Variants in SYT16 observed in about 807,000 individuals in gnomAD.
The protein encoded by SYT16 is synaptotagmin-16.
Under a neutral mutation model 61.4 loss-of-function variants are expected in SYT16, and 42 were observed. That is an observed-to-expected ratio of 0.68 (90% CI 0.53 to 0.89). The LOEUF (loss-of-function observed/expected upper bound fraction) is 0.89, where lower values mean the gene tolerates loss of function less well. Ranked by LOEUF, SYT16 falls within the 40% of genes least tolerant of loss-of-function variation. SYT16 has a pLI of 0.00. For synonymous variants in SYT16, 314 were observed against 302.3 expected (o/e 1.04, Z -0.40); for missense variants, 804 against 807.3 (o/e 1.00, Z 0.05).
At chr14:62,063,692 C>G (rs2140925391) in intron 3 of SYT16, among the ~76,000 whole-genome samples, 1 of 152,118 alleles carries the variant, frequency 6.6e-6, no homozygotes, top group Non-Finnish European at 1.5e-5. Flanking sequence ...TCCTCTGCCC[C>G]TCCTTCAACT....
chr14:62,098,696 A>G (rs934514515), intron 7 of SYT16, among the ~76,000 whole-genome samples: 5 of 152,224 alleles, frequency 3.3e-5, no homozygotes, highest in Non-Finnish European at 5.9e-5. Flanking sequence ...GCTAAGCATC[A>G]GGGGTTCAAT....
At chr14:61,826,313 A>G (rs533959961) in intron 1 of SYT16, among the ~76,000 whole-genome samples, 6 of 152,192 alleles carry the variant, frequency 3.9e-5, no homozygotes, top group African/African-American at 7.2e-5. Context: ...GAGAAAACCT[A>G]TGCAGACATG....
rs76837490 is a variant in SYT16 at position 61,862,982 on chromosome 14, A to G, written c.-325+50172A>G. 2.0e-3 allele frequency among the ~76,000 whole-genome samples: 298 copies of G among 152,260 alleles called. 4 individuals are homozygous for G. In the East Asian group the frequency reaches 0.052, roughly 27 times the overall value. On this transcript the variant is annotated intron_variant, in intron 1 of 7. Transcript: ENST00000683842. The stretch of plus-strand genomic sequence containing the variant: ...TCTTTTTAGCACCGAATAATGTTCT[A>G]TTGTCTAGATTCACCACAGTTTGTT...
intron 1 of SYT16, among the ~76,000 whole-genome samples, chr14:61,813,446 T>A (rs182371265): frequency 2.6e-5 from 4 of 152,114 alleles, no homozygotes; most frequent in Admixed American, 2.6e-4. Flanking sequence ...CTTTGGAAAT[T>A]GGAATCCCGT....
At chr14:62,032,203 G>T (rs956414274) in intron 3 of SYT16, among the ~76,000 whole-genome samples, 1 of 151,954 alleles carries the variant, frequency 6.6e-6, no homozygotes, top group Non-Finnish European at 1.5e-5. Flanking sequence ...AAGAAAAGAG[G>T]GAGAATGTTG....
intron 1 of SYT16, among the ~76,000 whole-genome samples, chr14:61,937,296 T>G (rs1469728922): frequency 6.6e-6 from 1 of 152,362 alleles, no homozygotes; most frequent in South Asian, 2.1e-4. Context: ...ATGTTTTCTC[T>G]CCTTGTTTAA....
chr14:61,963,053 TAA>T (rs1204600804), intron 1 of SYT16, among the ~76,000 whole-genome samples: 2 of 152,136 alleles, frequency 1.3e-5, no homozygotes, highest in African/African-American at 4.8e-5. Context: ...ACTTAATCGA[TAA>T]ATATTGTGTA....
chr14:61,957,924 C>T (rs1000624661), intron 1 of SYT16, among the ~76,000 whole-genome samples: 11 of 151,854 alleles, frequency 7.2e-5, no homozygotes, highest in African/African-American at 2.7e-4. Flanking sequence ...CCATCTTGTC[C>T]TGGGCTCGAC....
chr14:61,959,127 G>T (rs1352184124), intron 1 of SYT16, among the ~76,000 whole-genome samples: 2 of 151,974 alleles, frequency 1.3e-5, no homozygotes, highest in Non-Finnish European at 2.9e-5. Context: ...TTCCTTTTCA[G>T]CCTATGTGTG....
intron 7 of SYT16, among the ~76,000 whole-genome samples, chr14:62,090,563 G>C (rs1487948902): frequency 1.3e-5 from 2 of 152,122 alleles, no homozygotes; most frequent in Non-Finnish European, 2.9e-5. Flanking sequence ...TGTATTAAGA[G>C]CCACTGTCTG....
intron 1 of SYT16, among the ~76,000 whole-genome samples, chr14:61,820,788 A>G (rs1400397352): frequency 6.6e-6 from 1 of 152,108 alleles, no homozygotes; most frequent in Non-Finnish European, 1.5e-5. Flanking sequence ...AGCCCCTTCA[A>G]TGATGTTGAT....
intron 1 of SYT16, among the ~76,000 whole-genome samples, chr14:61,954,831 C>T (rs1166503486): frequency 6.6e-6 from 1 of 151,894 alleles, no homozygotes; most frequent in East Asian, 1.9e-4. Context: ...TTCTCATGAC[C>T]TATAATATTT....
intron 3 of SYT16, among the ~76,000 whole-genome samples, chr14:62,056,810 C>T (rs2055576443): frequency 6.6e-6 from 1 of 152,168 alleles, no homozygotes; most frequent in Non-Finnish European, 1.5e-5. Context: ...GCACTGGAGG[C>T]AATGAAGACA....
In SYT16 at chr14:62,094,879, G is replaced by C. The variant is rs920834539; in HGVS notation, c.1625-5515G>C. ...TTATAGGGATCTTTGATCAATATGG[G>C]CAAAATTTTTCCATTCTCATCTAAT... On this transcript the variant is annotated intron_variant, in intron 7 of 7. Transcript: ENST00000683842. 2.0e-5 allele frequency among the ~76,000 whole-genome samples: 3 copies of C among 151,858 alleles called. No individual in the cohort carries two copies. The East Asian group carries it at 5.8e-4, about 29-fold the overall frequency.
intron 1 of SYT16, among the ~76,000 whole-genome samples, chr14:61,949,166 T>G (rs115338193): frequency 1.7e-3 from 256 of 152,280 alleles, no homozygotes; most frequent in African/African-American, 5.9e-3. Flanking sequence ...GGAATAATCA[T>G]TATAGTATAA....
chr14:61,985,651 T>C (rs8011853), intron 2 of SYT16, among the ~76,000 whole-genome samples: 1 of 151,966 alleles, frequency 6.6e-6, no homozygotes, highest in Non-Finnish European at 1.5e-5. Flanking sequence ...GATGATCTCC[T>C]GGAAAAACCT....
chr14:61,980,806 A>G (rs2052036418), intron 2 of SYT16, among the ~76,000 whole-genome samples: 1 of 152,226 alleles, frequency 6.6e-6, no homozygotes, highest in Non-Finnish European at 1.5e-5. Context: ...AAAAAGACTA[A>G]TTGACATGAC....
intron 5 of SYT16, among the ~76,000 whole-genome samples, chr14:62,075,962 C>A (rs2056481789): frequency 6.6e-6 from 1 of 152,172 alleles, no homozygotes; most frequent in South Asian, 2.1e-4. Flanking sequence ...ATCAGTAATG[C>A]CCCTCTGGCC....
At chr14:61,828,199 T>C (rs970244082) in intron 1 of SYT16, among the ~76,000 whole-genome samples, 9 of 152,164 alleles carry the variant, frequency 5.9e-5, no homozygotes, top group African/African-American at 1.9e-4. Flanking sequence ...TCTCCAGAAA[T>C]ATGAGAAAAT....
Sources: allele counts gnomAD v4.1 joint callset (sites outside exome capture counted in the v4.1 genomes callset), GRCh38; gene constraint gnomAD v4.1.1; transcripts MANE v1.5; gene names NCBI Gene and HGNC (gene_info 2026-07-23, HGNC 2026-07-21).